KCNQ1OT1: variants seen among roughly 807,000 people sequenced by gnomAD.
KCNQ1OT1 encodes the protein KCNQ1 antisense RNA 2 (non-protein coding).
At chr11:2,649,947 G>A (rs1849732004) in exon 1 of KCNQ1OT1, 1 of 398,298 alleles carries the variant, frequency 2.5e-6, no homozygotes, top group Admixed American at 4.4e-5. Context: ...TAGCTTAATA[G>A]TGTCTCATAT....
exon 1 of KCNQ1OT1, chr11:2,680,969 T>G (rs1345657217): frequency 5.0e-6 from 2 of 398,594 alleles, no homozygotes; most frequent in East Asian, 7.1e-5. Context: ...GTTTTCAAGA[T>G]TGCACTGACC....
chr11:2,662,119 G>T, exon 1 of KCNQ1OT1: 1 of 1,613,620 alleles, frequency 6.2e-7, no homozygotes, highest in Non-Finnish European at 8.5e-7. Context: ...TGGGCTGGAG[G>T]GGACTGGAGC....
rs11827207 is a variant in KCNQ1OT1, at chr11:2,673,481, G to A, written n.26514C>T. 7,686 of 398,632 alleles carry A rather than the reference G, an allele frequency of 0.019. 232 individuals are homozygous for A. Among genetic ancestry groups the A allele is most frequent in the East Asian group, 0.095 (2,656 of 28,070 alleles). 24.7% of individuals were successfully genotyped at this position (398,632 alleles called of 1,614,324 possible). Reference sequence around the variant, plus strand: ...GCCGGAACACCTGAAAAGCCATACAGACTCCTGCTCATCACAACCACTTGT... The same window carrying A: ...GCCGGAACACCTGAAAAGCCATACAAACTCCTGCTCATCACAACCACTTGT... On this transcript the variant is annotated non_coding_transcript_exon_variant, in exon 1 of 1. Coordinates refer to ENST00000597346, the Ensembl canonical transcript of KCNQ1OT1. The surrounding 1 kb of genome is among the most constrained non-coding windows in gnomAD (Gnocchi z 4.5).
chr11:2,640,162 G>A, exon 1 of KCNQ1OT1: 1 of 373,360 alleles, frequency 2.7e-6, no homozygotes, highest in Non-Finnish European at 4.7e-6. Context: ...TCCCAGGTGA[G>A]GCGATGCCTC....
rs1850135954 is a variant in KCNQ1OT1, at chr11:2,669,080, A to C, written n.30915T>G. 1 of 398,588 alleles carries C rather than the reference A, an allele frequency of 2.5e-6. No individual in the cohort carries two copies. Among genetic ancestry groups the C allele is most frequent in the African/African-American group, 2.1e-5 (1 of 48,628 alleles). 24.7% of individuals were successfully genotyped at this position (398,588 alleles called of 1,614,324 possible). A position where few individuals can be genotyped will look rare whatever the true frequency, so the allele number is the denominator to read the frequency against. ...CCTCTCCCAACTACCCTGCCGTATCAGTGTCTTTACAATCAGCTCACTGGC... is the reference window on the plus strand; with the variant it reads ...CCTCTCCCAACTACCCTGCCGTATCCGTGTCTTTACAATCAGCTCACTGGC... On this transcript the variant is annotated non_coding_transcript_exon_variant, in exon 1 of 1. Coordinates refer to ENST00000597346, the Ensembl canonical transcript of KCNQ1OT1. The surrounding 1 kb of genome is among the most constrained non-coding windows in gnomAD (Gnocchi z 5.6).
exon 1 of KCNQ1OT1, chr11:2,634,115 C>G (rs1028748565): frequency 2.6e-6 from 1 of 391,608 alleles, no homozygotes; most frequent in Non-Finnish European, 4.5e-6. Context: ...TTTGCTATTT[C>G]GGTGAAGATT....
At chr11:2,684,190 GTCAGAC>G (rs1376424974) in exon 1 of KCNQ1OT1, 1 of 398,514 alleles carries the variant, frequency 2.5e-6, no homozygotes, top group Non-Finnish European at 4.4e-6. Flanking sequence ...CTGGGGCTTG[GTCAGAC>G]TCTGCCAGGA....
exon 1 of KCNQ1OT1, chr11:2,632,439 C>G: frequency 5.0e-6 from 2 of 398,308 alleles, no homozygotes; most frequent in Non-Finnish European, 8.9e-6. Flanking sequence ...TGCTTTATTC[C>G]TGATCTTAGA....
chr11:2,669,033 C>T lies in KCNQ1OT1; in HGVS notation n.30962G>A. On this transcript the variant is annotated non_coding_transcript_exon_variant, in exon 1 of 1. Coordinates refer to ENST00000597346, the Ensembl canonical transcript of KCNQ1OT1. The surrounding 1 kb of genome is among the most constrained non-coding windows in gnomAD (Gnocchi z 5.6). ...TACTTGGATATCCAGTCTAGCTCAG[C>T]ACCCGGCATGGGAAGGCCCGTCCTC... The T allele has an allele frequency of 2.5e-6, 1 of 398,712 alleles. No homozygotes were observed. Among genetic ancestry groups the T allele is most frequent in the East Asian group, 3.6e-5 (1 of 28,086 alleles). 24.7% of individuals were successfully genotyped at this position (398,712 alleles called of 1,614,324 possible). A position where few individuals can be genotyped will look rare whatever the true frequency, so the allele number is the denominator to read the frequency against.
At position 2,690,487 on chromosome 11, in the gene KCNQ1OT1, C is replaced by A. The variant is rs1463939251; in HGVS notation, n.9508G>T. 2.5e-6 allele frequency: 1 copy of A among 398,584 alleles called. No homozygotes were observed. The highest frequency in any genetic ancestry group is 4.4e-6 in the Non-Finnish European group (1 of 226,074). 24.7% of individuals were successfully genotyped at this position (398,584 alleles called of 1,614,324 possible). ...CTGGGTCCTGGGAACAGCCACTGGG[C>A]CCAGTCGGGGGGGTCTCAGCACCTA... is the stretch of plus-strand genomic sequence containing the variant. On this transcript the variant is annotated non_coding_transcript_exon_variant, in exon 1 of 1. Coordinates refer to ENST00000597346, the Ensembl canonical transcript of KCNQ1OT1. The surrounding 1 kb of genome is among the most constrained non-coding windows in gnomAD (Gnocchi z 5.1).
chr11:2,643,124 T>G (rs1288836406), exon 1 of KCNQ1OT1: 2 of 397,978 alleles, frequency 5.0e-6, no homozygotes, highest in Non-Finnish European at 8.9e-6. Flanking sequence ...ATGAGAAGAG[T>G]GTATATTCTG....
In KCNQ1OT1 at chr11:2,678,487, A is replaced by G. The variant is rs1196574039; in HGVS notation, n.21508T>C. 1.8e-5 allele frequency: 7 copies of G among 398,396 alleles called. No individual in the cohort carries two copies. Among genetic ancestry groups the G allele is most frequent in the Non-Finnish European group, 3.1e-5 (7 of 226,054 alleles). 24.7% of individuals were successfully genotyped at this position (398,396 alleles called of 1,614,324 possible). On this transcript the variant is annotated non_coding_transcript_exon_variant, in exon 1 of 1. Transcript: ENST00000597346. The surrounding 1 kb of genome is among the most constrained non-coding windows in gnomAD (Gnocchi z 4.9). ...TTTATCATATTTCAAACTCTCATTT[A>G]ATTTGTGTCCATTTCTAGACTCTAT...
exon 1 of KCNQ1OT1, chr11:2,638,560 GTTTCCCTTTGTGGGTAACC>G (rs1849517729): frequency 6.6e-6 from 1 of 152,168 alleles, no homozygotes; most frequent in South Asian, 2.1e-4. Context: ...AGTCTGATGG[GTTTCCCTTTGTGGGTAACC>G]CAACCTTTCT....
chr11:2,649,608 C>G (rs1849726744), exon 1 of KCNQ1OT1: 11 of 398,470 alleles, frequency 2.8e-5, no homozygotes, highest in Non-Finnish European at 4.9e-5. Context: ...CCCCACCTTG[C>G]AGCACTTTTA....
chr11:2,633,103 C>G (rs1045520767), exon 1 of KCNQ1OT1: 3 of 398,334 alleles, frequency 7.5e-6, no homozygotes, highest in Non-Finnish European at 1.3e-5. Context: ...TTGAAAACAG[C>G]CATTCTAACT....
exon 1 of KCNQ1OT1, chr11:2,625,400 T>C (rs569133493): frequency 2.5e-5 from 10 of 398,598 alleles, no homozygotes; most frequent in East Asian, 2.1e-4. Context: ...ATACTAGAGA[T>C]GGGTCTCACT....
chr11:2,696,506 C>T (rs1590038404), exon 1 of KCNQ1OT1: 1 of 398,544 alleles, frequency 2.5e-6, no homozygotes, highest in Non-Finnish European at 4.4e-6. Context: ...CAGCAGAAGT[C>T]CTCTGCTCTC....
chr11:2,638,293 G>GT (rs1481221134), exon 1 of KCNQ1OT1: 2 of 152,224 alleles, frequency 1.3e-5, no homozygotes, highest in African/African-American at 4.8e-5. Context: ...AATTTGTCAT[G>GT]TTTTTGCAGT....
rs553185190 is a variant in KCNQ1OT1 at position 2,611,003 on chromosome 11, A to G, written n.88992T>C. 2.5e-6 allele frequency: 1 copy of G among 398,332 alleles called. No homozygotes were observed. Among genetic ancestry groups the G allele is most frequent in the Non-Finnish European group, 4.4e-6 (1 of 225,992 alleles). 24.7% of individuals were successfully genotyped at this position (398,332 alleles called of 1,614,324 possible). A position where few individuals can be genotyped will look rare whatever the true frequency, so the allele number is the denominator to read the frequency against. On this transcript the variant is annotated non_coding_transcript_exon_variant, in exon 1 of 1. Transcript: ENST00000597346. The surrounding 1 kb of genome is among the most constrained non-coding windows in gnomAD (Gnocchi z 5.3). ...TACTATTATTGTTGAGTTGTCTATT[A>G]TTGTTCAGTTGTCTGTTTCTCTCTT...
Sources: gnomAD v4.1 joint callset for allele counts on GRCh38, gnomAD v4.1.1 for gene constraint, Gnocchi (gnomAD v3.1) non-coding constraint, MANE v1.5 for transcripts, NCBI Gene and HGNC (gene_info 2026-07-23, HGNC 2026-07-21) for gene names.